Variants in CNOT4 observed in about 807,000 individuals in gnomAD.
CNOT4 encodes the protein CCR4-associated factor 4.
Under a neutral mutation model 73.8 loss-of-function variants are expected in CNOT4, and 8 were observed. That is an observed-to-expected ratio of 0.11 (90% confidence interval 0.06 to 0.20). The LOEUF (loss-of-function observed/expected upper bound fraction) is 0.20. Among genes scored for constraint, CNOT4 ranks in the 10% least tolerant of loss-of-function variants. The pLI, the probability that CNOT4 is intolerant of heterozygous loss-of-function variation, is 1.00. For missense variants in CNOT4, 564 were observed against 883.4 expected, an observed-to-expected ratio of 0.64 and a Z score of 4.58; for synonymous variants, 293 against 321.1, an observed-to-expected ratio of 0.91 and a Z score of 0.94.
chr7:135,395,947 A>G (rs763386068), intron 8 of CNOT4, 64 bp from the exon 9 acceptor site: 83 of 1,174,508 alleles, frequency 7.1e-5, no homozygotes, highest in Non-Finnish European at 9.7e-5. Flanking sequence ...CCACAATTAA[A>G]AAGTTTGCAA....
At chr7:135,480,817 T>C (rs550171951) in intron 1 of CNOT4, among the ~76,000 whole-genome samples, 9 of 149,280 alleles carry the variant, frequency 6.0e-5, no homozygotes, top group African/African-American at 2.0e-4. Flanking sequence ...TAATTTTCAA[T>C]ATAAGTGCCA....
At chr7:135,493,142 C>T (rs1803227841) in intron 1 of CNOT4, among the ~76,000 whole-genome samples, 1 of 152,180 alleles carries the variant, frequency 6.6e-6, no homozygotes, top group African/African-American at 2.4e-5. Context: ...CTCTTGACTC[C>T]TGTTCAAATG....
chr7:135,375,688 G>A (rs1422536193), intron 10 of CNOT4, among the ~76,000 whole-genome samples: 1 of 152,166 alleles, frequency 6.6e-6, no homozygotes, highest in Non-Finnish European at 1.5e-5. Flanking sequence ...ACTTTGGGAG[G>A]CCGAGGCGGG....
chr7:135,504,688 G>A (rs1242526302), intron 1 of CNOT4, among the ~76,000 whole-genome samples: 2 of 119,976 alleles, frequency 1.7e-5, no homozygotes, highest in Non-Finnish European at 3.5e-5. Flanking sequence ...GGGTTTCACC[G>A]TTTTAGCCGG....
At chr7:135,453,848 T>TATATATATATATA (rs61345541) in intron 1 of CNOT4, among the ~76,000 whole-genome samples, 3,367 of 116,298 alleles carry the variant, frequency 0.029, 115 homozygotes, top group East Asian at 0.065. Context: ...ATATATATAT[T>TATATATATATATA]ATATATATAG....
chr7:135,458,322 T>C (rs1158560989), intron 1 of CNOT4, among the ~76,000 whole-genome samples: 1 of 152,130 alleles, frequency 6.6e-6, no homozygotes, highest in Non-Finnish European at 1.5e-5. Flanking sequence ...GATAAGATCA[T>C]CTGAGCCTTC....
At chr7:135,398,051 G>A in intron 8 of CNOT4, 118 bp downstream of exon 8, 1 of 679,056 alleles carries the variant, frequency 1.5e-6, no homozygotes, top group Non-Finnish European at 2.7e-6. Context: ...ATAAAGATGA[G>A]CATCAAAAGT....
intron 10 of CNOT4, chr7:135,384,441 C>G: frequency 9.3e-6 from 4 of 429,782 alleles, no homozygotes; most frequent in Non-Finnish European, 1.3e-5. Flanking sequence ...CCCGCCACCA[C>G]GCCCAGCTAA....
chr7:135,386,965 GCTAACA>G (rs1796150139), intron 10 of CNOT4: 1 of 468,218 alleles, frequency 2.1e-6, no homozygotes, highest in Non-Finnish European at 2.8e-6. Flanking sequence ...GCAATGAAAG[GCTAACA>G]CTGAATGCTG....
chr7:135,423,133 C>G (rs1014317009), intron 2 of CNOT4, among the ~76,000 whole-genome samples: 1 of 152,084 alleles, frequency 6.6e-6, no homozygotes, highest in Non-Finnish European at 1.5e-5. Context: ...TCAATTATTA[C>G]TACTAAAAAC....
intron 1 of CNOT4, among the ~76,000 whole-genome samples, chr7:135,506,015 G>A (rs1203930250): frequency 6.6e-6 from 1 of 152,084 alleles, no homozygotes; most frequent in Non-Finnish European, 1.5e-5. Flanking sequence ...AAAAATAACT[G>A]GGTAAATTAT....
chr7:135,458,535 C>G (rs1210101571), intron 1 of CNOT4, among the ~76,000 whole-genome samples: 1 of 152,086 alleles, frequency 6.6e-6, no homozygotes, highest in East Asian at 1.9e-4. Flanking sequence ...TAGCATTTTA[C>G]CCACGTAGAA....
chr7:135,374,626 T>C (rs543724553), intron 10 of CNOT4, among the ~76,000 whole-genome samples: 1 of 70,892 alleles, frequency 1.4e-5, no homozygotes, highest in South Asian at 5.9e-4. Context: ...ACTACAACTA[T>C]TCTTAAATTA....
chr7:135,390,089 CCT>C (rs1206584646), intron 10 of CNOT4, among the ~76,000 whole-genome samples: 1 of 152,202 alleles, frequency 6.6e-6, no homozygotes, highest in African/African-American at 2.4e-5. Context: ...GCCATATACC[CCT>C]GAGCTGGGCC....
chr7:135,434,277 G>A (rs745390219), intron 2 of CNOT4, among the ~76,000 whole-genome samples: 4 of 152,156 alleles, frequency 2.6e-5, no homozygotes, highest in Admixed American at 6.5e-5. Context: ...GACTCCGACC[G>A]ACACAGGCAA....
At chr7:135,396,747 T>TA (rs1170497298) in intron 8 of CNOT4, among the ~76,000 whole-genome samples, 1 of 152,130 alleles carries the variant, frequency 6.6e-6, no homozygotes, top group Non-Finnish European at 1.5e-5. Context: ...TCTACCTATT[T>TA]ATATGAACAA....
chr7:135,438,882 CTT>C (rs1799312559), intron 1 of CNOT4, among the ~76,000 whole-genome samples: 2 of 152,194 alleles, frequency 1.3e-5, no homozygotes, highest in African/African-American at 4.8e-5. Context: ...ACATCAAACT[CTT>C]GACACAGAGA....
chr7:135,440,042 C>A, intron 1 of CNOT4, among the ~76,000 whole-genome samples: 1 of 148,538 alleles, frequency 6.7e-6, no homozygotes, highest in South Asian at 2.1e-4. Context: ...TCTTCATAAG[C>A]AAAACAAAAA....
chr7:135,442,378 C>A (rs191903070), intron 1 of CNOT4, among the ~76,000 whole-genome samples: 42 of 152,268 alleles, frequency 2.8e-4, no homozygotes, highest in Non-Finnish European at 5.3e-4. Flanking sequence ...GGGCGGATCA[C>A]CTGAGGTCAG....
Sources: gnomAD v4.1 joint callset for allele counts (sites outside exome capture counted in the v4.1 genomes callset) on GRCh38, gnomAD v4.1.1 for gene constraint, MANE v1.5 for transcripts, NCBI Gene and HGNC (gene_info 2026-07-23, HGNC 2026-07-21) for gene names.